The following SHPRH variants were observed in gnomAD, a reference collection of about 807,000 sequenced individuals.
SHPRH encodes the protein E3 ubiquitin-protein ligase SHPRH.
A neutral mutation model predicts 202.5 loss-of-function variants in SHPRH; 106 were observed. The ratio of observed to expected loss-of-function variants is 0.52; its 90% CI spans 0.45 to 0.62. SHPRH has a LOEUF of 0.62. Ranked by LOEUF, SHPRH falls within the 20% of genes least tolerant of loss-of-function variation. The probability of loss-of-function intolerance (pLI) is 0.00; values close to 1 mark genes in which losing one functional copy is unlikely to be tolerated. For missense variants in SHPRH, 1,710 were observed against 2,020.0 expected, an observed-to-expected ratio of 0.85 and a Z score of 2.94; for synonymous variants, 729 against 686.0, an observed-to-expected ratio of 1.06 and a Z score of -0.98.
At chr6:145,934,245 T>C (rs551551288) in intron 13 of SHPRH, among the ~76,000 whole-genome samples, 45 of 151,912 alleles carry the variant, frequency 3.0e-4, no homozygotes, top group African/African-American at 1.0e-3. Context: ...GAGGGGTGGA[T>C]TACCTGAGGT....
At chr6:145,901,330 T>A (rs563544926) in intron 25 of SHPRH, among the ~76,000 whole-genome samples, 1 of 152,242 alleles carries the variant, frequency 6.6e-6, no homozygotes, top group African/African-American at 2.4e-5. Context: ...TTCTTCTATC[T>A]TAAATATGTA....
chr6:145,936,547 G>T (rs910348309), intron 11 of SHPRH, among the ~76,000 whole-genome samples: 42 of 151,702 alleles, frequency 2.8e-4, no homozygotes, highest in Non-Finnish European at 5.0e-4. Flanking sequence ...GGCTGATCTT[G>T]AACTCCTGGG....
Position 145,946,309 on chromosome 6 carries a change from A to G in SHPRH, c.1245T>C (p.His415=), listed in dbSNP as rs1562361071. The change falls in exon 7 of 30, where the codon CAT becomes CAC. Residue 415 remains histidine, a synonymous_variant. Transcript: ENST00000275233. ...TCTTTTTCAGTTTTCCTCCAAAATA[A>G]TGTGACGGAATAAAATAATTCACCA... ...GKVVNYFIPS[H]YFGGKLKKTE... 1 of 1,607,422 alleles carries G rather than the reference A, an allele frequency of 6.2e-7. No homozygotes were observed.
At chr6:145,916,234 T>C (rs1488972423) in intron 23 of SHPRH, among the ~76,000 whole-genome samples, 1 of 152,108 alleles carries the variant, frequency 6.6e-6, no homozygotes, top group Non-Finnish European at 1.5e-5. Flanking sequence ...TCCTTTTCCT[T>C]TCTTTCACAT....
At chr6:145,940,683 T>C (rs747368691) in intron 11 of SHPRH, 40 bp downstream of exon 11, 2 of 1,599,122 alleles carry the variant, frequency 1.3e-6, no homozygotes, top group East Asian at 4.5e-5. Flanking sequence ...AAAATGAAGC[T>C]TTTCAAATGC....
chr6:145,960,514 G>A (rs1472203833), intron 1 of SHPRH, among the ~76,000 whole-genome samples: 1 of 152,142 alleles, frequency 6.6e-6, no homozygotes, highest in African/African-American at 2.4e-5. Flanking sequence ...AACCCAAAAA[G>A]CAACTGTCTA....
At chr6:145,910,703 AAG>A in intron 24 of SHPRH, 67 bp from the exon 25 acceptor site, 1 of 1,388,608 alleles carries the variant, frequency 7.2e-7, no homozygotes, top group Non-Finnish European at 9.5e-7. Flanking sequence ...GCATATTAAA[AAG>A]AGATTCGCAA....
chr6:145,944,567 T>C (rs1258086787), intron 8 of SHPRH, among the ~76,000 whole-genome samples: 1 of 151,984 alleles, frequency 6.6e-6, no homozygotes. Flanking sequence ...CTTCTAGTTT[T>C]GGTGGTAGCA....
At chr6:145,887,534 T>C (rs1189051891) in intron 29 of SHPRH, among the ~76,000 whole-genome samples, 1 of 110,064 alleles carries the variant, frequency 9.1e-6, no homozygotes, top group South Asian at 2.5e-4. Context: ...AACAAGTTTG[T>C]TTTTTTTTTT....
At chr6:145,941,064 A>G (rs1786716111) in intron 10 of SHPRH, among the ~76,000 whole-genome samples, 1 of 152,192 alleles carries the variant, frequency 6.6e-6, no homozygotes, top group Non-Finnish European at 1.5e-5. Flanking sequence ...AAAATGAAAA[A>G]GCCCCCTGAA....
chr6:145,930,503 A>C (rs1785325996), intron 14 of SHPRH, among the ~76,000 whole-genome samples: 1 of 152,116 alleles, frequency 6.6e-6, no homozygotes, highest in Admixed American at 6.6e-5. Context: ...AAAGGTTTAG[A>C]AGTGTGTTAT....
intron 1 of SHPRH, among the ~76,000 whole-genome samples, chr6:145,956,530 T>A (rs1008091666): frequency 2.6e-5 from 4 of 152,194 alleles, no homozygotes; most frequent in Admixed American, 1.3e-4. Context: ...ATCACCTGTA[T>A]ACCTACAATC....
At chr6:145,942,229 T>C (rs1276645896) in intron 9 of SHPRH, among the ~76,000 whole-genome samples, 7 of 152,172 alleles carry the variant, frequency 4.6e-5, no homozygotes, top group East Asian at 1.9e-4. Context: ...ATGGAATCAA[T>C]AGCATATGTG....
At chr6:145,906,179 C>T (rs1386870599) in intron 25 of SHPRH, 2 of 151,950 alleles carry the variant, frequency 1.3e-5, no homozygotes, top group Admixed American at 6.6e-5. Context: ...CCCAGTTATC[C>T]CAACTCTACC....
At chr6:145,930,157 C>G (rs1435341007) in intron 14 of SHPRH, among the ~76,000 whole-genome samples, 2 of 152,046 alleles carry the variant, frequency 1.3e-5, no homozygotes, top group Non-Finnish European at 2.9e-5. Context: ...GTATCTAGCA[C>G]AATAAGAGAC....
At chr6:145,881,838 G>A (rs1780594339), downstream of SHPRH, among the ~76,000 whole-genome samples, 1 of 152,054 alleles carries the variant, frequency 6.6e-6, no homozygotes, top group African/African-American at 2.4e-5. Flanking sequence ...ATTAAAAGGT[G>A]GTTTACTGTA....
chr6:145,886,745 C>T lies in SHPRH; in HGVS notation c.4998G>A (p.Leu1666=), dbSNP rs1313335757. The change falls in exon 30 of 30, where the codon TTG becomes TTA. Residue 1666 remains leucine, a synonymous_variant. Coordinates refer to ENST00000275233, the MANE Select transcript of SHPRH (RefSeq NM_001042683.3). ...ATAGGTCTGCCAGGTCAGCCACAGT[C>T]AAGACAGAGGCCTCTGAATGCTTTG... The part of the protein sequence containing the change: ...SSAKHSEASV[L]TVADLADLFT... The T allele has an allele frequency of 1.2e-6, 2 of 1,613,728 alleles. No individual in the cohort carries two copies. Among genetic ancestry groups the T allele is most frequent in the East Asian group, 4.5e-5 (2 of 44,846 alleles).
intron 28 of SHPRH, among the ~76,000 whole-genome samples, chr6:145,891,917 A>C (rs1781601188): frequency 6.6e-6 from 1 of 152,192 alleles, no homozygotes; most frequent in Non-Finnish European, 1.5e-5. Flanking sequence ...CACAGAAGAA[A>C]ACCAACAAAA....
chr6:145,902,625 A>G lies in SHPRH; in HGVS notation c.4516-7648T>C, dbSNP rs1349193717. Reference sequence around the variant, plus strand: ...GGAGGAAGTGCTTTTCATGCACTGAAGACTTATTATTGGGGAAAAAAGAGG... The same window carrying G: ...GGAGGAAGTGCTTTTCATGCACTGAGGACTTATTATTGGGGAAAAAAGAGG... On this transcript the variant is annotated intron_variant, in intron 25 of 29. Coordinates refer to ENST00000275233, the MANE Select transcript of SHPRH (RefSeq NM_001042683.3). 2.1e-5 allele frequency among the ~76,000 whole-genome samples: 3 copies of G among 139,792 alleles called. No individual in the cohort carries two copies. In the East Asian group the frequency reaches 6.2e-4, roughly 29 times the overall value. The allele number at this position is 139,792 out of a possible 152,430, so 91.7% of individuals were successfully genotyped here. A position where few individuals can be genotyped will look rare whatever the true frequency, so the allele number is the denominator to read the frequency against.
Sources: gnomAD v4.1 joint callset for allele counts (sites outside exome capture counted in the v4.1 genomes callset) on GRCh38, gnomAD v4.1.1 for gene constraint, MANE v1.5 for transcripts, NCBI Gene and HGNC (gene_info 2026-07-23, HGNC 2026-07-21) for gene names.